AGAP1: variants seen among roughly 807,000 people sequenced by gnomAD.
The protein encoded by AGAP1 is arf-GAP with GTPase, ANK repeat and PH domain-containing protein 1.
AGAP1 carries 29 observed loss-of-function variants against 105.3 expected under a neutral mutation model. The observed-to-expected ratio is 0.28, with a 90% CI of 0.21 to 0.38. AGAP1 has a LOEUF of 0.38. Ranked by LOEUF, AGAP1 falls within the 10% of genes least tolerant of loss-of-function variation. AGAP1 has a pLI of 1.00. For missense variants in AGAP1, 998 were observed against 1,165.1 expected (o/e 0.86, Z 2.09); for synonymous variants, 509 against 485.9 (o/e 1.05, Z -0.63).
In AGAP1 at chr2:236,112,920, G is replaced by A. The variant is rs114338505; in HGVS notation, c.2115-7272G>A. ...CTGCAGCCCTGTCTGGCTGAATGGT[G>A]TAAAATTCCCTAAGTCTTTCCTTCC... On this transcript the variant is annotated intron_variant, in intron 16 of 17. Transcript: ENST00000304032. 7.6e-3 allele frequency among the ~76,000 whole-genome samples: 1,157 copies of A among 152,364 alleles called. 15 individuals are homozygous for A. Among genetic ancestry groups the A allele is most frequent in the African/African-American group, 0.027 (1,103 of 41,580 alleles).
intron 1 of AGAP1, among the ~76,000 whole-genome samples, chr2:235,524,084 T>C (rs1310230508): frequency 6.6e-6 from 1 of 152,216 alleles, no homozygotes; most frequent in African/African-American, 2.4e-5. Flanking sequence ...TCCATGGGAC[T>C]GTGGAAAGGG....
intron 16 of AGAP1, among the ~76,000 whole-genome samples, chr2:236,071,990 A>T (rs2058508289): frequency 6.6e-6 from 1 of 152,204 alleles, no homozygotes; most frequent in South Asian, 2.1e-4. Flanking sequence ...TCTCCTTCAA[A>T]TGGTGTCCCT....
intron 8 of AGAP1, among the ~76,000 whole-genome samples, chr2:235,803,012 T>TGTGATGGTGATGATGGTTGTGATG (rs1957626465): frequency 6.1e-5 from 1 of 16,518 alleles, no homozygotes. Context: ...TGGTTGTGGT[T>TGTGATGGTGATGATGGTTGTGATG]GTGATGGTGG....
intron 9 of AGAP1, among the ~76,000 whole-genome samples, chr2:235,813,381 C>T (rs963048729): frequency 1.1e-4 from 16 of 152,362 alleles, no homozygotes; most frequent in South Asian, 6.2e-4. Flanking sequence ...GCATCATACA[C>T]GACCAACTGC....
At chr2:235,688,929 A>G (rs1349863481) in intron 1 of AGAP1, among the ~76,000 whole-genome samples, 4 of 152,206 alleles carry the variant, frequency 2.6e-5, no homozygotes, top group Non-Finnish European at 4.4e-5. Context: ...CAATTGCAGC[A>G]GCAGCAGCCG....
chr2:235,508,433 C>T (rs552876380), intron 1 of AGAP1, among the ~76,000 whole-genome samples: 65 of 152,304 alleles, frequency 4.3e-4, no homozygotes, highest in African/African-American at 1.5e-3. Context: ...CTGCAGATCT[C>T]GGTTTGTGAT....
chr2:235,619,330 G>A (rs1012320574), intron 1 of AGAP1, among the ~76,000 whole-genome samples: 2 of 151,400 alleles, frequency 1.3e-5, no homozygotes, highest in Non-Finnish European at 2.9e-5. Context: ...GGGGAGCTGG[G>A]ATTCAAACCT....
chr2:236,029,809 G>C (rs577833899), intron 13 of AGAP1, among the ~76,000 whole-genome samples: 3 of 151,820 alleles, frequency 2.0e-5, no homozygotes, highest in Non-Finnish European at 4.4e-5. Context: ...TGTGGTCACA[G>C]CTCACTGCAG....
At chr2:235,571,959 TATAC>T (rs1310950583) in intron 1 of AGAP1, among the ~76,000 whole-genome samples, 5 of 110,850 alleles carry the variant, frequency 4.5e-5, no homozygotes, top group Admixed American at 1.7e-4. Flanking sequence ...TGTGTGTGTG[TATAC>T]ATATATATGT....
intron 1 of AGAP1, among the ~76,000 whole-genome samples, chr2:235,503,529 T>C: frequency 6.6e-6 from 1 of 152,212 alleles, no homozygotes; most frequent in East Asian, 1.9e-4. Context: ...GTACTTGAAG[T>C]TTGGGTTTGG....
At chr2:235,604,771 A>G (rs1043409343) in intron 1 of AGAP1, among the ~76,000 whole-genome samples, 1 of 151,328 alleles carries the variant, frequency 6.6e-6, no homozygotes, top group Non-Finnish European at 1.5e-5. Flanking sequence ...TTTAGTAGAG[A>G]TGGGGTTTCA....
At chr2:236,103,923 C>T (rs2059422356) in intron 16 of AGAP1, among the ~76,000 whole-genome samples, 1 of 152,234 alleles carries the variant, frequency 6.6e-6, no homozygotes, top group Non-Finnish European at 1.5e-5. Context: ...CCCCACCCTG[C>T]CCTGTGCGTT....
At chr2:235,813,812 G>A (rs948940027) in intron 9 of AGAP1, among the ~76,000 whole-genome samples, 8 of 152,336 alleles carry the variant, frequency 5.3e-5, no homozygotes, top group Non-Finnish European at 1.0e-4. Flanking sequence ...TGGATCACAC[G>A]TCAGCTTGGA....
chr2:236,075,019 C>CT (rs2058599162), intron 16 of AGAP1, among the ~76,000 whole-genome samples: 2 of 152,156 alleles, frequency 1.3e-5, no homozygotes, highest in South Asian at 4.1e-4. Context: ...CTCCACTGCA[C>CT]TCCAGCTTAG....
chr2:235,978,231 T>C (rs1481887592), intron 13 of AGAP1, among the ~76,000 whole-genome samples: 1 of 152,202 alleles, frequency 6.6e-6, no homozygotes. Context: ...ATTCAGTCTG[T>C]AGGACCATTC....
Position 235,659,778 on chromosome 2 carries a change from C to T in AGAP1, c.164-49401C>T, listed in dbSNP as rs563149814. On this transcript the variant is annotated intron_variant, in intron 1 of 17. Transcript: ENST00000304032. This position sits in a 1 kb window ranked among gnomAD's most constrained non-coding sequence, Gnocchi z 5.0. ...GGATCAATAGTGTATATTTCTTTGTCTCTCAGTTGGGGCCCTGGCCTCTGC... is the reference window on the plus strand; with the variant it reads ...GGATCAATAGTGTATATTTCTTTGTTTCTCAGTTGGGGCCCTGGCCTCTGC... Among the ~76,000 whole-genome samples the T allele has an allele frequency of 4.6e-5, 7 of 152,332 alleles. No individual in the cohort carries two copies. The highest frequency in any genetic ancestry group is 8.8e-5 in the Non-Finnish European group (6 of 68,030).
chr2:235,857,197 G>C (rs1429625237), intron 9 of AGAP1, among the ~76,000 whole-genome samples: 1 of 152,176 alleles, frequency 6.6e-6, no homozygotes, highest in Non-Finnish European at 1.5e-5. Context: ...CCTCCCGTCA[G>C]ATCAGCGGAG....
intron 1 of AGAP1, among the ~76,000 whole-genome samples, chr2:235,501,484 A>C (rs1574695854): frequency 6.6e-6 from 1 of 152,188 alleles, no homozygotes; most frequent in South Asian, 2.1e-4. Flanking sequence ...CTAGTAGCTT[A>C]AAAGAGCTGT....
At position 235,744,432 on chromosome 2, in the gene AGAP1, TG is replaced by T. The variant is rs1013097561; in HGVS notation, c.397-264del. Among the ~76,000 whole-genome samples, 2 of 152,054 alleles carry T rather than the reference TG, an allele frequency of 1.3e-5. No individual in the cohort carries two copies. The highest frequency in any genetic ancestry group is 2.4e-5 in the African/African-American group (1 of 41,412). On this transcript the variant is annotated intron_variant, in intron 4 of 17. Coordinates refer to ENST00000304032, the MANE Select transcript of AGAP1 (RefSeq NM_001037131.3). This position sits in a 1 kb window ranked among gnomAD's most constrained non-coding sequence, Gnocchi z 5.2. ...GCATGAGGACCGCGGGGACACTGTG[TG>T]GTTTGTGTCCTCTGAAGACAGAGTG...
Sources: allele counts gnomAD v4.1 joint callset (sites outside exome capture counted in the v4.1 genomes callset), GRCh38; gene constraint gnomAD v4.1.1; non-coding constraint Gnocchi (gnomAD v3.1); transcripts MANE v1.5; gene names NCBI Gene and HGNC (gene_info 2026-07-23, HGNC 2026-07-21).